The following MTUS2 variants were observed in gnomAD, a reference collection of about 807,000 sequenced individuals.
MTUS2 encodes microtubule-associated tumor suppressor candidate 2.
Under a neutral mutation model 114.1 loss-of-function variants are expected in MTUS2, and 40 were observed. That is an observed-to-expected ratio of 0.35 (90% CI 0.27 to 0.46). The LOEUF (loss-of-function observed/expected upper bound fraction) is 0.46. Ranked by LOEUF, MTUS2 falls within the 20% of genes least tolerant of loss-of-function variation. The pLI, the probability that MTUS2 is intolerant of heterozygous loss-of-function variation, is 1.00. For missense variants in MTUS2, 1,679 were observed against 1,705.4 expected (o/e 0.98, Z 0.27); for synonymous variants, 688 against 672.0 (o/e 1.02, Z -0.37).
At chr13:29,073,892 C>T (rs1236901351) in intron 4 of MTUS2, among the ~76,000 whole-genome samples, 1 of 151,866 alleles carries the variant, frequency 6.6e-6, no homozygotes, top group Non-Finnish European at 1.5e-5. Flanking sequence ...GACCTTTTCT[C>T]ATTCCTATAA....
At chr13:29,225,862 A>AT (rs1896087014) in intron 5 of MTUS2, among the ~76,000 whole-genome samples, 2 of 152,078 alleles carry the variant, frequency 1.3e-5, no homozygotes, top group South Asian at 4.1e-4. Context: ...ACTCTGTGTA[A>AT]TTTTTTTCAA....
At chr13:28,919,916 T>C (rs1039898095) in intron 2 of MTUS2, among the ~76,000 whole-genome samples, 14 of 152,244 alleles carry the variant, frequency 9.2e-5, no homozygotes, top group Non-Finnish European at 1.8e-4. Context: ...CTTTGTTCTT[T>C]TTAATAATTT....
intron 2 of MTUS2, among the ~76,000 whole-genome samples, chr13:28,931,999 A>G (rs1246013505): frequency 6.6e-6 from 1 of 152,224 alleles, no homozygotes; most frequent in African/African-American, 2.4e-5. Flanking sequence ...ATGTATTATA[A>G]GTACTGCAGG....
chr13:28,821,564 A>G (rs924010519), intron 1 of MTUS2, among the ~76,000 whole-genome samples: 1 of 152,206 alleles, frequency 6.6e-6, no homozygotes, highest in Non-Finnish European at 1.5e-5. Context: ...TTTTCAGGTA[A>G]AAATACAAAA....
chr13:29,039,283 C>T (rs1887233726), intron 4 of MTUS2, among the ~76,000 whole-genome samples: 1 of 152,250 alleles, frequency 6.6e-6, no homozygotes, highest in Non-Finnish European at 1.5e-5. Context: ...AGGGACCTTC[C>T]CTTAGAAATT....
intron 1 of MTUS2, among the ~76,000 whole-genome samples, chr13:28,829,941 A>G (rs957481602): frequency 6.6e-6 from 1 of 152,204 alleles, no homozygotes. Flanking sequence ...GAGGCTTTGC[A>G]TAAGTAAAGT....
chr13:29,133,143 A>ATTGCCATT (rs1209041863), intron 5 of MTUS2, among the ~76,000 whole-genome samples: 2 of 151,520 alleles, frequency 1.3e-5, no homozygotes, highest in Non-Finnish European at 2.9e-5. Context: ...TCATATGATT[A>ATTGCCATT]TTGCCATTTG....
intron 4 of MTUS2, among the ~76,000 whole-genome samples, chr13:29,079,260 T>G (rs113904411): frequency 9.5e-4 from 145 of 152,332 alleles, no homozygotes; most frequent in African/African-American, 3.3e-3. Context: ...TTTGCTAATT[T>G]TAAAATTTGG....
intron 8 of MTUS2, among the ~76,000 whole-genome samples, chr13:29,367,835 T>C (rs1870850470): frequency 6.6e-6 from 1 of 151,982 alleles, no homozygotes; most frequent in Non-Finnish European, 1.5e-5. Context: ...AGAAATCTGC[T>C]CCGGAACTGT....
At chr13:29,081,159 A>G (rs1378032718) in intron 4 of MTUS2, among the ~76,000 whole-genome samples, 2 of 152,068 alleles carry the variant, frequency 1.3e-5, no homozygotes, top group Admixed American at 6.6e-5. Context: ...AGGTTAGGGT[A>G]TAGGGTGGGG....
chr13:29,287,182 C>T (rs951822404), intron 6 of MTUS2, among the ~76,000 whole-genome samples: 1 of 152,182 alleles, frequency 6.6e-6, no homozygotes, highest in Non-Finnish European at 1.5e-5. Context: ...CAGTCCTTTT[C>T]TTATAATAAT....
At chr13:29,356,434 C>T (rs1392437789) in intron 7 of MTUS2, among the ~76,000 whole-genome samples, 2 of 152,234 alleles carry the variant, frequency 1.3e-5, no homozygotes, top group African/African-American at 4.8e-5. Flanking sequence ...AAGCAAACAC[C>T]TGTTCTGAAA....
intron 9 of MTUS2, among the ~76,000 whole-genome samples, chr13:29,474,161 G>C (rs1406333686): frequency 6.6e-6 from 1 of 152,138 alleles, no homozygotes; most frequent in Admixed American, 6.5e-5. Context: ...GGAGCTATAT[G>C]TGCAAAAAGT....
In MTUS2 at chr13:29,147,741, C is replaced by T. The variant is rs550969260; in HGVS notation, c.2644+46771C>T. 2.0e-5 allele frequency among the ~76,000 whole-genome samples: 3 copies of T among 152,274 alleles called. No homozygotes were observed. The South Asian group carries it at 6.2e-4, about 32-fold the overall frequency. ...CTTTTAGGATAATGGCCTCCTGCTG[C>T]CTCCATGTTGCTGCAAAGGACATGA... On this transcript the variant is annotated intron_variant, in intron 5 of 15. Transcript: ENST00000612955.
In MTUS2 at chr13:29,100,835, C is replaced by T. The variant is rs767698168; in HGVS notation, c.2509C>T (p.Arg837Cys). 1.7e-5 allele frequency: 26 copies of T among 1,551,790 alleles called. No homozygotes were observed. Among genetic ancestry groups the T allele is most frequent in the Admixed American group, 1.2e-4 (6 of 51,010 alleles). The change falls in exon 5 of 16, where the codon CGT becomes TGT. Residue 837 changes from arginine to cysteine, a missense_variant. Coordinates refer to ENST00000612955, the MANE Select transcript of MTUS2 (RefSeq NM_001033602.4). ...ATCCAATCTCCCGAAATCTGGTCTC[C>T]GTCCTCCCGGATACTCACGTCTCCC... Reference protein sequence around the residue: ...AKSNLPKSGLRPPGYSRLPAA... With the variant: ...AKSNLPKSGLCPPGYSRLPAA...
chr13:28,970,907 A>G (rs1027471904), intron 2 of MTUS2, among the ~76,000 whole-genome samples: 1 of 152,192 alleles, frequency 6.6e-6, no homozygotes, highest in African/African-American at 2.4e-5. Context: ...GCTCATGCTG[A>G]GGGCAGGATC....
intron 6 of MTUS2, among the ~76,000 whole-genome samples, chr13:29,323,416 A>AT (rs59001078): frequency 0.056 from 8,449 of 151,968 alleles, 793 homozygotes; most frequent in African/African-American, 0.19. Context: ...TGCCTGGCTA[A>AT]TTTTTTGTAA....
intron 5 of MTUS2, among the ~76,000 whole-genome samples, chr13:29,202,339 T>C (rs1894993137): frequency 6.6e-6 from 1 of 152,236 alleles, no homozygotes; most frequent in Non-Finnish European, 1.5e-5. Flanking sequence ...TCATATGCTA[T>C]GTTTTTCAGC....
intron 2 of MTUS2, among the ~76,000 whole-genome samples, chr13:29,002,877 C>G (rs1014275613): frequency 6.6e-6 from 1 of 152,188 alleles, no homozygotes; most frequent in African/African-American, 2.4e-5. Context: ...ATCAGTTTAT[C>G]TGGTACACTT....
Sources: allele counts gnomAD v4.1 joint callset (sites outside exome capture counted in the v4.1 genomes callset), GRCh38; gene constraint gnomAD v4.1.1; transcripts MANE v1.5; gene names NCBI Gene and HGNC (gene_info 2026-07-23, HGNC 2026-07-21).